The following ABLIM2 variants were observed in gnomAD, a reference collection of about 807,000 sequenced individuals.
The protein encoded by ABLIM2 is actin-binding LIM protein 2.
In ABLIM2, 53 loss-of-function variants were observed where a neutral mutation model predicts 97.7. The observed-to-expected ratio is 0.54, with a 90% CI of 0.44 to 0.68. ABLIM2 has a LOEUF of 0.68. ABLIM2 is among the 30% of genes least tolerant of loss of function. ABLIM2 has a pLI of 0.00. For missense variants in ABLIM2, 835 were observed against 867.2 expected, an observed-to-expected ratio of 0.96 and a Z score of 0.47; for synonymous variants, 361 against 345.8, an observed-to-expected ratio of 1.04 and a Z score of -0.49.
intron 8 of ABLIM2, among the ~76,000 whole-genome samples, chr4:8,051,146 G>A (rs1795752191): frequency 6.6e-6 from 1 of 152,242 alleles, no homozygotes; most frequent in South Asian, 2.1e-4. Flanking sequence ...TCAGAACCCG[G>A]GAGCTGTCGC....
At chr4:7,989,330 C>T (rs747214563) in intron 17 of ABLIM2, 36 of 863,564 alleles carry the variant, frequency 4.2e-5, no homozygotes, top group East Asian at 1.2e-4. Flanking sequence ...CCACCCACCT[C>T]GGCCTCGCAG....
intron 6 of ABLIM2, among the ~76,000 whole-genome samples, chr4:8,062,589 C>T (rs1270786634): frequency 1.3e-5 from 2 of 152,094 alleles, no homozygotes; most frequent in East Asian, 3.9e-4. Context: ...CAGACCCCCA[C>T]CACCACGCCT....
chr4:8,035,345 C>A (rs187366948), intron 10 of ABLIM2, among the ~76,000 whole-genome samples: 6 of 152,280 alleles, frequency 3.9e-5, no homozygotes, highest in African/African-American at 1.2e-4. Context: ...GAACGCGCTG[C>A]CCTGGAGTCT....
rs1821565314 is a variant in ABLIM2 at position 8,083,937 on chromosome 4, A to G, written c.455-3135T>C. 6.6e-6 allele frequency among the ~76,000 whole-genome samples: 1 copy of G among 151,984 alleles called. No homozygotes were observed. The highest frequency in any genetic ancestry group is 2.4e-5 in the African/African-American group (1 of 41,374). ...GGGTGGTTGTTGGGGGGTGGCTAGGATGTGCCAGGCAGCCTCCTGGAGCCT... is the reference window on the plus strand; with the variant it reads ...GGGTGGTTGTTGGGGGGTGGCTAGGGTGTGCCAGGCAGCCTCCTGGAGCCT... On this transcript the variant is annotated intron_variant, in intron 4 of 20. Coordinates refer to ENST00000447017, the MANE Select transcript of ABLIM2 (RefSeq NM_001130083.2). This position sits in a 1 kb window ranked among gnomAD's most constrained non-coding sequence, Gnocchi z 4.6.
chr4:8,022,073 G>C lies in ABLIM2; in HGVS notation c.1268-1770C>G, dbSNP rs1052721776. On this transcript the variant is annotated intron_variant, in intron 12 of 20. Coordinates refer to ENST00000447017, the MANE Select transcript of ABLIM2 (RefSeq NM_001130083.2). This position sits in a 1 kb window ranked among gnomAD's most constrained non-coding sequence, Gnocchi z 7.8. ...AAGGACACCGCGGATCCCTCCTACC[G>C]ACTACGGCTGTGCTGGACCCATCCC... Among the ~76,000 whole-genome samples, 1 of 152,168 alleles carries C rather than the reference G, an allele frequency of 6.6e-6. No individual in the cohort carries two copies. Among genetic ancestry groups the C allele is most frequent in the African/African-American group, 2.4e-5 (1 of 41,428 alleles).
chr4:8,007,894 A>G, intron 16 of ABLIM2, 165 bp downstream of exon 16: 1 of 1,433,602 alleles, frequency 7.0e-7, no homozygotes, highest in Non-Finnish European at 9.1e-7. Context: ...CAAACTGCAA[A>G]AGCCCCATAT....
intron 1 of ABLIM2, among the ~76,000 whole-genome samples, chr4:8,117,390 ACT>A (rs930508506): frequency 1.3e-5 from 2 of 150,138 alleles, no homozygotes; most frequent in African/African-American, 4.9e-5. Flanking sequence ...CCCACCACAG[ACT>A]CCACCCACAG....
chr4:7,986,129 T>C lies in ABLIM2; in HGVS notation c.1681-1236A>G, dbSNP rs183744261. On this transcript the variant is annotated intron_variant, in intron 17 of 20. Coordinates refer to ENST00000447017, the MANE Select transcript of ABLIM2 (RefSeq NM_001130083.2). The surrounding 1 kb of genome is among the most constrained non-coding windows in gnomAD (Gnocchi z 4.3). ...AAACGGGGTCAGGGCTCTCGGCCAGTGCTGCTGAAACTGGGTACAGGGATC... is the reference window on the plus strand; with the variant it reads ...AAACGGGGTCAGGGCTCTCGGCCAGCGCTGCTGAAACTGGGTACAGGGATC... 6.6e-6 allele frequency among the ~76,000 whole-genome samples: 1 copy of C among 152,326 alleles called. No homozygotes were observed. Among genetic ancestry groups the C allele is most frequent in the East Asian group, 1.9e-4 (1 of 5,180 alleles).
rs748995776 is a variant in ABLIM2, at chr4:7,984,931, C to T, written c.1681-38G>A. 90 of 1,596,900 alleles carry T rather than the reference C, an allele frequency of 5.6e-5. 1 individual carries two copies. The highest frequency in any genetic ancestry group is 4.7e-4 in the East Asian group (21 of 44,378). The stretch of plus-strand genomic sequence containing the variant: ...GAGAGGTTGGGCGGCAAGAGACAGG[C>T]GGCACGAGGGTGTGTGGATGGGCAG... On this transcript the variant is annotated intron_variant, in intron 17 of 20. Coordinates refer to ENST00000447017, the MANE Select transcript of ABLIM2 (RefSeq NM_001130083.2).
chr4:8,088,331 T>C, intron 3 of ABLIM2, 47 bp from the exon 4 acceptor site: 1 of 1,468,346 alleles, frequency 6.8e-7, no homozygotes, highest in South Asian at 1.2e-5. Flanking sequence ...TTCTGGCTCC[T>C]CTCTGGGGGA....
intron 6 of ABLIM2, among the ~76,000 whole-genome samples, chr4:8,064,246 T>C (rs998398950): frequency 2.0e-5 from 3 of 152,354 alleles, no homozygotes; most frequent in Non-Finnish European, 2.9e-5. Flanking sequence ...CGAGCATTTG[T>C]TTTCAACATC....
At chr4:7,983,620 GTGCAATCCCTGCCCTGGGGT>G (rs1740812363) in intron 18 of ABLIM2, 66 bp from the exon 19 acceptor site, 4 of 1,587,034 alleles carry the variant, frequency 2.5e-6, no homozygotes, top group Non-Finnish European at 3.4e-6. Flanking sequence ...TCCAAGGTGA[GTGCAATCCCTGCCCTGGGGT>G]ACCCCTGTCT....
intron 14 of ABLIM2, among the ~76,000 whole-genome samples, chr4:8,013,868 C>A (rs1451261578): frequency 1.3e-5 from 2 of 152,232 alleles, no homozygotes; most frequent in Non-Finnish European, 2.9e-5. Context: ...GCCTCAGGTG[C>A]ACGGAGGAAG....
At chr4:8,153,141 A>G (rs891156750) in intron 1 of ABLIM2, among the ~76,000 whole-genome samples, 1 of 152,176 alleles carries the variant, frequency 6.6e-6, no homozygotes, top group Non-Finnish European at 1.5e-5. Flanking sequence ...AGGCCCCTTC[A>G]TCTCCCAGTC....
intron 1 of ABLIM2, among the ~76,000 whole-genome samples, chr4:8,111,235 A>G (rs556434319): frequency 6.6e-6 from 1 of 152,390 alleles, no homozygotes; most frequent in African/African-American, 2.4e-5. Context: ...AGCTGGAAGA[A>G]GCCTGGAAAG....
At position 8,104,590 on chromosome 4, in the gene ABLIM2, G is replaced by A. The variant is rs1310184024; in HGVS notation, c.154+1904C>T. On this transcript the variant is annotated intron_variant, in intron 2 of 20. Transcript: ENST00000447017. ...AGCATCTCTGAAGGTCGGGGCTGGG[G>A]TCTGCCTTAGCCCAAGGGATTCAGG... Among the ~76,000 whole-genome samples, 13 of 152,150 alleles carry A rather than the reference G, an allele frequency of 8.5e-5. No homozygotes were observed. The East Asian group carries it at 2.5e-3, about 29-fold the overall frequency.
chr4:8,038,126 T>C (rs909361625), intron 9 of ABLIM2, among the ~76,000 whole-genome samples: 1 of 152,018 alleles, frequency 6.6e-6, no homozygotes, highest in Admixed American at 6.5e-5. Context: ...CCCCGAGACA[T>C]GCACTGGGCT....
At position 8,065,976 on chromosome 4, in the gene ABLIM2, G is replaced by A. The variant is rs1454784707; in HGVS notation, c.676-4922C>T. ...GAAGGGAAGGAAAGGGAATGGAGGGGAGGGGAGGGCAGGGGAGGGGAGGGA... is the reference window on the plus strand; with the variant it reads ...GAAGGGAAGGAAAGGGAATGGAGGGAAGGGGAGGGCAGGGGAGGGGAGGGA... On this transcript the variant is annotated intron_variant, in intron 6 of 20. Transcript: ENST00000447017. Among the ~76,000 whole-genome samples the A allele has an allele frequency of 2.1e-5, 3 of 140,992 alleles. No homozygotes were observed. In the East Asian group the frequency reaches 6.8e-4, roughly 32 times the overall value. The allele number at this position is 140,992 out of a possible 152,430, so 92.5% of individuals were successfully genotyped here. A position where few individuals can be genotyped will look rare whatever the true frequency, so the allele number is the denominator to read the frequency against.
chr4:8,153,774 A>G (rs1168872788), intron 1 of ABLIM2, among the ~76,000 whole-genome samples: 1 of 152,228 alleles, frequency 6.6e-6, no homozygotes, highest in African/African-American at 2.4e-5. Context: ...CACACAATGA[A>G]GAAAACTTGG....
Sources: gnomAD v4.1 joint callset for allele counts (sites outside exome capture counted in the v4.1 genomes callset) on GRCh38, gnomAD v4.1.1 for gene constraint, Gnocchi (gnomAD v3.1) non-coding constraint, MANE v1.5 for transcripts, NCBI Gene and HGNC (gene_info 2026-07-23, HGNC 2026-07-21) for gene names.